The following ZFHX3 variants were observed in gnomAD, a reference collection of about 807,000 sequenced individuals.
ZFHX3 encodes the protein zinc finger homeobox 3, also known as zinc finger homeobox protein 3.
In ZFHX3, 42 loss-of-function variants were observed where a neutral mutation model predicts 279.1. The observed-to-expected ratio is 0.15, with a 90% CI of 0.12 to 0.19. ZFHX3 has a LOEUF of 0.19. ZFHX3 is among the 10% of genes least tolerant of loss of function. The pLI, the probability that ZFHX3 is intolerant of heterozygous loss-of-function variation, is 1.00. For synonymous variants in ZFHX3, 2,293 were observed against 1,957.8 expected, an observed-to-expected ratio of 1.17 and a Z score of -4.52; for missense variants, 4,981 against 4,754.0, an observed-to-expected ratio of 1.05 and a Z score of -1.40.
At chr16:73,212,373 T>G (rs1016542722) in intron 5 of ZFHX3, among the ~76,000 whole-genome samples, 6 of 152,206 alleles carry the variant, frequency 3.9e-5, no homozygotes, top group African/African-American at 1.4e-4. Flanking sequence ...TCCATGTCAA[T>G]GAATATACCT....
chr16:73,709,723 TA>T (rs1478199428), intron 1 of ZFHX3, among the ~76,000 whole-genome samples: 1 of 152,102 alleles, frequency 6.6e-6, no homozygotes, highest in East Asian at 1.9e-4. Context: ...CTATAGACAG[TA>T]ACAATGTACT....
At chr16:72,919,725 A>G (rs1007666240) in intron 3 of ZFHX3, among the ~76,000 whole-genome samples, 4 of 134,796 alleles carry the variant, frequency 3.0e-5, no homozygotes, top group East Asian at 4.8e-4. Flanking sequence ...TAACATTTTT[A>G]TACTATGTTG....
At chr16:73,436,522 C>T (rs1226078588) in intron 3 of ZFHX3, among the ~76,000 whole-genome samples, 1 of 152,114 alleles carries the variant, frequency 6.6e-6, no homozygotes, top group East Asian at 1.9e-4. Flanking sequence ...GAAACCACCC[C>T]CACGATTCAG....
chr16:73,199,265 G>C (rs1490126884), intron 5 of ZFHX3, among the ~76,000 whole-genome samples: 1 of 152,226 alleles, frequency 6.6e-6, no homozygotes. Flanking sequence ...TAGGTATCCA[G>C]AGTACAGAAA....
intron 2 of ZFHX3, among the ~76,000 whole-genome samples, chr16:73,559,277 G>T (rs2020334693): frequency 6.6e-6 from 1 of 151,946 alleles, no homozygotes. Flanking sequence ...CAAACTCCTG[G>T]CTTCAAGTGA....
chr16:73,443,847 T>C (rs775497811), intron 3 of ZFHX3, among the ~76,000 whole-genome samples: 19 of 152,082 alleles, frequency 1.2e-4, no homozygotes, highest in Admixed American at 5.9e-4. Context: ...CTCTACCTCC[T>C]GGGCTCAGGT....
intron 1 of ZFHX3, among the ~76,000 whole-genome samples, chr16:73,802,191 T>C (rs1305965066): frequency 1.3e-5 from 2 of 152,086 alleles, no homozygotes; most frequent in Non-Finnish European, 2.9e-5. Context: ...TGATTCTTCA[T>C]AAAACCCCAC....
intron 1 of ZFHX3, among the ~76,000 whole-genome samples, chr16:73,771,308 G>A (rs2054014778): frequency 6.6e-6 from 1 of 152,140 alleles, no homozygotes; most frequent in Non-Finnish European, 1.5e-5. Flanking sequence ...TTCCCCTTAA[G>A]CAGGAGATCC....
intron 5 of ZFHX3, among the ~76,000 whole-genome samples, chr16:73,188,433 C>T (rs539794826): frequency 1.3e-5 from 2 of 152,224 alleles, no homozygotes; most frequent in African/African-American, 2.4e-5. Context: ...TGCCAATACT[C>T]TGTTTGGACC....
chr16:73,718,303 C>T lies in ZFHX3; in HGVS notation c.-1607-38063G>A, dbSNP rs531970179. Among the ~76,000 whole-genome samples the T allele has an allele frequency of 8.9e-4, 136 of 152,074 alleles. 4 individuals carry two copies. In the South Asian group the frequency reaches 0.027, roughly 30 times the overall value. ...GCAGGCACCTGTAATCCCAGCTACT[C>T]GGGAGGCTGAGGCAGAAGAATCACT... On this transcript the variant is annotated intron_variant, in intron 1 of 17. Transcript: ENST00000641206.
chr16:72,787,300 T>G lies in ZFHX3; in HGVS notation c.10976A>C (p.Asp3659Ala), dbSNP rs749649321. The G allele has an allele frequency of 6.2e-7, 1 of 1,614,000 alleles. No homozygotes were observed. The highest frequency in any genetic ancestry group is 1.6e-4 in the Middle Eastern group (1 of 6,062). The part of the protein sequence containing the change: ...SGVQPSMPTD[D>A]YSEESDTDLS... ...ATCCGTGTCAGACTCCTCCGAATAGTCGTCTGTTGGCATCGAGGGCTGAAC... is the reference window on the plus strand; with the variant it reads ...ATCCGTGTCAGACTCCTCCGAATAGGCGTCTGTTGGCATCGAGGGCTGAAC... Residue 3659 changes from aspartate to alanine, a missense_variant, in exon 10 of 10, where the codon GAC becomes GCC. Transcript: ENST00000268489.
chr16:73,182,898 G>T (rs1203420304), intron 5 of ZFHX3, among the ~76,000 whole-genome samples: 1 of 147,346 alleles, frequency 6.8e-6, no homozygotes, highest in South Asian at 2.2e-4. Flanking sequence ...GCGGGAGGGG[G>T]GAGGGGTGAA....
intron 1 of ZFHX3, among the ~76,000 whole-genome samples, chr16:73,707,701 T>G (rs1480097659): frequency 1.3e-5 from 2 of 151,666 alleles, no homozygotes; most frequent in Non-Finnish European, 2.9e-5. Flanking sequence ...GTGACAAACC[T>G]GCACGTTGTG....
At chr16:72,929,705 C>G (rs942504991) in intron 3 of ZFHX3, among the ~76,000 whole-genome samples, 2 of 152,198 alleles carry the variant, frequency 1.3e-5, no homozygotes, top group African/African-American at 2.4e-5. Flanking sequence ...AACAGTAACA[C>G]CTCATTCTCT....
At chr16:72,792,657 G>A (rs1010949855) in intron 9 of ZFHX3, among the ~76,000 whole-genome samples, 1 of 152,038 alleles carries the variant, frequency 6.6e-6, no homozygotes, top group Non-Finnish European at 1.5e-5. Flanking sequence ...TCACCATGTT[G>A]GCCAGGCTGG....
chr16:73,758,057 A>AC (rs2053828494), intron 1 of ZFHX3, among the ~76,000 whole-genome samples: 1 of 152,132 alleles, frequency 6.6e-6, no homozygotes, highest in Non-Finnish European at 1.5e-5. Context: ...GCAAGACATG[A>AC]CCCGTTGTTC....
intron 8 of ZFHX3, among the ~76,000 whole-genome samples, chr16:73,075,097 T>C (rs184798043): frequency 3.9e-5 from 6 of 152,290 alleles, no homozygotes; most frequent in Admixed American, 3.9e-4. Flanking sequence ...TGTGAGCTAG[T>C]GCACTCGGCC....
intron 3 of ZFHX3, among the ~76,000 whole-genome samples, chr16:72,931,608 G>A (rs1490587843): frequency 6.6e-6 from 1 of 151,410 alleles, no homozygotes; most frequent in Non-Finnish European, 1.5e-5. Flanking sequence ...AAAAATTTTG[G>A]AATATTTTAA....
chr16:73,886,976 T>C (rs1330670376), intron 1 of ZFHX3, among the ~76,000 whole-genome samples: 1 of 152,110 alleles, frequency 6.6e-6, no homozygotes, highest in African/African-American at 2.4e-5. Context: ...GATGAGAAAA[T>C]GAAGGGTTTC....
Sources: gnomAD v4.1 joint callset for allele counts (sites outside exome capture counted in the v4.1 genomes callset) on GRCh38, gnomAD v4.1.1 for gene constraint, MANE v1.5 for transcripts, NCBI Gene and HGNC (gene_info 2026-07-23, HGNC 2026-07-21) for gene names.